The following SHROOM2 variants were observed in gnomAD, a reference collection of about 807,000 sequenced individuals.
The protein encoded by SHROOM2 is protein Shroom2.
Under a neutral mutation model 75.9 loss-of-function variants are expected in SHROOM2, and 33 were observed. That is an observed-to-expected ratio of 0.43 (90% CI 0.33 to 0.58). The LOEUF is 0.58. Among genes scored for constraint, SHROOM2 ranks in the 20% least tolerant of loss-of-function variants. The pLI is 0.04. For missense variants in SHROOM2, 1,434 were observed against 1,461.2 expected (o/e 0.98, Z 0.30); for synonymous variants, 655 against 663.6 (o/e 0.99, Z 0.20).
chrX:9,843,475 T>G (rs1442587096), intron 1 of SHROOM2, among the ~76,000 whole-genome samples: 1 of 110,404 alleles, frequency 9.1e-6, no homozygotes, highest in Non-Finnish European at 1.9e-5. Context: ...CATAGCTCAC[T>G]GTGGCCTCTG....
intron 1 of SHROOM2, among the ~76,000 whole-genome samples, chrX:9,795,956 G>GTGCT (rs1446104459): frequency 1.9e-4 from 21 of 110,911 alleles, no homozygotes; most frequent in African/African-American, 6.2e-4. Context: ...AGAGGAGGCA[G>GTGCT]TGCTTGCTTG....
chrX:9,895,781 C>T lies in SHROOM2; in HGVS notation c.1873C>T (p.Arg625Cys), dbSNP rs1431439797. ...HVGKPTRRSD[R>C]FATTLRNEIQ... Reference sequence around the variant, plus strand: ...GGGCAAGCCCACCCGAAGAAGCGACCGCTTTGCCACCACCCTGCGGAATGA... The same window carrying T: ...GGGCAAGCCCACCCGAAGAAGCGACTGCTTTGCCACCACCCTGCGGAATGA... The change falls in exon 4 of 10, where the codon CGC becomes TGC. Residue 625 changes from arginine (R) to cysteine (C), a missense_variant. By Grantham distance (180) the Arg-to-Cys change is radical. Around this residue, in one of 3 missense-constraint regions of SHROOM2, gnomAD observed 1,340 missense variants for 1,338.3 expected, o/e 1.00. Transcript: ENST00000380913. The T allele has an allele frequency of 9.1e-6, 11 of 1,202,695 alleles. No homozygotes were observed. The highest frequency in any genetic ancestry group is 1.1e-5 in the Non-Finnish European group (10 of 890,888).
At chrX:9,806,907 C>G (rs1375700538) in intron 1 of SHROOM2, among the ~76,000 whole-genome samples, 1 of 111,036 alleles carries the variant, frequency 9.0e-6, no homozygotes, top group Non-Finnish European at 1.9e-5. Flanking sequence ...TATTTTTAGT[C>G]GAGCTGGGCT....
chrX:9,940,436 G>A (rs946327544), intron 8 of SHROOM2, among the ~76,000 whole-genome samples: 3 of 111,789 alleles, frequency 2.7e-5, no homozygotes, highest in African/African-American at 9.8e-5. Context: ...GCTTTGGGAG[G>A]CTGGAGATGC....
At chrX:9,897,680 C>CAAAAAAAAAAAAAAAAAAAAAAAAAAAAA (rs56026461) in intron 4 of SHROOM2, among the ~76,000 whole-genome samples, 1 of 70,611 alleles carries the variant, frequency 1.4e-5, no homozygotes, top group African/African-American at 6.0e-5. Context: ...GACCCTGTCT[C>CAAAAAAAAAAAAAAAAAAAAAAAAAAAAA]AAAAAAAAAA....
intron 5 of SHROOM2, among the ~76,000 whole-genome samples, chrX:9,899,845 G>A (rs943681129): frequency 2.7e-5 from 3 of 112,732 alleles, no homozygotes; most frequent in East Asian, 2.8e-4. Context: ...CTCCCAGGCC[G>A]TTGAGGCTGG....
chrX:9,947,031 C>A lies in SHROOM2; in HGVS notation c.*94C>A. The A allele has an allele frequency of 1.1e-6, 1 of 889,992 alleles. No individual in the cohort carries two copies. Among genetic ancestry groups the A allele is most frequent in the Non-Finnish European group, 1.5e-6 (1 of 650,986 alleles). 73.3% of individuals were successfully genotyped at this position (889,992 alleles called of 1,213,427 possible). Reference sequence around the variant, plus strand: ...TGAAGACCCCATCTGTGTTCATGGCCTGGAAAGAGACTTCTCCCATAGCAA... The same window carrying A: ...TGAAGACCCCATCTGTGTTCATGGCATGGAAAGAGACTTCTCCCATAGCAA... On this transcript the variant is annotated 3_prime_UTR_variant, in exon 10 of 10. Transcript: ENST00000380913.
chrX:9,935,308 C>T (rs866175100), intron 6 of SHROOM2, among the ~76,000 whole-genome samples: 1 of 68,904 alleles, frequency 1.5e-5, no homozygotes, highest in East Asian at 5.9e-4. Flanking sequence ...TTTCCTCCTT[C>T]TTTTATTATT....
At chrX:9,878,356 A>G (rs942218349) in intron 2 of SHROOM2, among the ~76,000 whole-genome samples, 2 of 111,685 alleles carry the variant, frequency 1.8e-5, no homozygotes, top group Non-Finnish European at 3.8e-5. Context: ...TACATCCACT[A>G]AGCTTGCATT....
intron 5 of SHROOM2, among the ~76,000 whole-genome samples, chrX:9,910,077 G>A (rs1201708171): frequency 1.8e-5 from 2 of 110,427 alleles, no homozygotes; most frequent in African/African-American, 6.6e-5. Flanking sequence ...ATCACCTGGG[G>A]GTTAGGTTTC....
At chrX:9,915,934 T>C (rs1017926817) in intron 5 of SHROOM2, among the ~76,000 whole-genome samples, 1 of 112,014 alleles carries the variant, frequency 8.9e-6, no homozygotes, top group Non-Finnish European at 1.9e-5. Flanking sequence ...GCTGATATGC[T>C]ATTCTAACTA....
chrX:9,801,048 G>A (rs1601912613), intron 1 of SHROOM2, among the ~76,000 whole-genome samples: 1 of 111,790 alleles, frequency 8.9e-6, no homozygotes, highest in East Asian at 2.8e-4. Flanking sequence ...AAGGAAAGAG[G>A]TTTAATGGAC....
At chrX:9,837,668 G>C (rs1194842847) in intron 1 of SHROOM2, among the ~76,000 whole-genome samples, 3 of 112,182 alleles carry the variant, frequency 2.7e-5, no homozygotes, top group Admixed American at 1.9e-4. Context: ...GACAGCACCA[G>C]GTGGCCAGAC....
chrX:9,934,704 G>A (rs1377110572), intron 6 of SHROOM2, among the ~76,000 whole-genome samples: 1 of 111,900 alleles, frequency 8.9e-6, no homozygotes, highest in East Asian at 2.8e-4. Context: ...GACCATTTCT[G>A]TTAAAAAATG....
intron 1 of SHROOM2, chrX:9,865,420 C>T (rs965251489): frequency 2.7e-5 from 3 of 110,530 alleles, no homozygotes; most frequent in Non-Finnish European, 3.8e-5. Flanking sequence ...AGCCTGGACT[C>T]TACTTGCATT....
At chrX:9,788,415 T>C in intron 1 of SHROOM2, among the ~76,000 whole-genome samples, 1 of 111,780 alleles carries the variant, frequency 8.9e-6, no homozygotes, top group Non-Finnish European at 1.9e-5. Flanking sequence ...CTCTTTATGA[T>C]AATGAGGGTA....
At chrX:9,875,096 A>AAAAAAAAAAAAAAAAAAG (rs2084192266) in intron 2 of SHROOM2, among the ~76,000 whole-genome samples, 1 of 99,178 alleles carries the variant, frequency 1.0e-5, no homozygotes, top group Non-Finnish European at 2.1e-5. Flanking sequence ...AAAAAAAAAA[A>AAAAAAAAAAAAAAAAAAG]AAAAAAAAAA....
intron 1 of SHROOM2, among the ~76,000 whole-genome samples, chrX:9,848,994 A>C (rs2084023606): frequency 8.9e-6 from 1 of 111,858 alleles, no homozygotes; most frequent in African/African-American, 3.3e-5. Flanking sequence ...GACCGTTTGC[A>C]TCCTCCAGGA....
chrX:9,931,465 A>G (rs1388345836), intron 5 of SHROOM2, among the ~76,000 whole-genome samples: 1 of 111,251 alleles, frequency 9.0e-6, no homozygotes, highest in African/African-American at 3.3e-5. Flanking sequence ...TGGGCAGCAC[A>G]GTGAGACCCC....
Sources: gnomAD v4.1 joint callset for allele counts (sites outside exome capture counted in the v4.1 genomes callset) on GRCh38, gnomAD v4.1.1 for gene constraint, gnomAD v4.1.1 regional missense constraint, MANE v1.5 for transcripts, NCBI Gene and HGNC (gene_info 2026-07-23, HGNC 2026-07-21) for gene names.